Variants in WDR27 observed in about 807,000 individuals in gnomAD.
WDR27 encodes WD repeat domain 27.
In WDR27, 100 loss-of-function variants were observed where a neutral mutation model predicts 114.4. The ratio of observed to expected loss-of-function variants is 0.87; its 90% CI spans 0.74 to 1.03. WDR27 has a LOEUF of 1.03. WDR27 is among the 50% of genes least tolerant of loss of function. The pLI is 0.00. For synonymous variants in WDR27, 449 were observed against 423.1 expected, an observed-to-expected ratio of 1.06 and a Z score of -0.75; for missense variants, 1,129 against 1,092.9, an observed-to-expected ratio of 1.03 and a Z score of -0.47.
At chr6:169,523,302 T>A (rs1455451039) in intron 25 of WDR27, among the ~76,000 whole-genome samples, 1 of 152,038 alleles carries the variant, frequency 6.6e-6, no homozygotes, top group African/African-American at 2.4e-5. Context: ...TAATAAAAAG[T>A]ATTCCATTAA....
At chr6:169,552,221 C>T (rs903957480) in intron 25 of WDR27, among the ~76,000 whole-genome samples, 3 of 152,254 alleles carry the variant, frequency 2.0e-5, no homozygotes, top group African/African-American at 4.8e-5. Context: ...CATGCAGAGT[C>T]GCTGTCCCCA....
At chr6:169,688,609 A>G (rs369190390) in intron 2 of WDR27, among the ~76,000 whole-genome samples, 116 of 152,206 alleles carry the variant, frequency 7.6e-4, no homozygotes, top group South Asian at 4.1e-3. Flanking sequence ...ATTAATTCCA[A>G]ATCACTTGTG....
intron 3 of WDR27, chr6:169,671,463 T>C (rs759347934): frequency 6.6e-6 from 1 of 152,258 alleles, no homozygotes; most frequent in Non-Finnish European, 1.5e-5. Context: ...ATAGAATACA[T>C]AGATTTATAG....
At chr6:169,514,056 C>A in intron 25 of WDR27, among the ~76,000 whole-genome samples, 1 of 152,072 alleles carries the variant, frequency 6.6e-6, no homozygotes, top group Non-Finnish European at 1.5e-5. Flanking sequence ...GATTCCAAGT[C>A]TGGATAAGGT....
chr6:169,651,411 G>A (rs1323873968), intron 14 of WDR27, among the ~76,000 whole-genome samples: 1 of 152,074 alleles, frequency 6.6e-6, no homozygotes, highest in Non-Finnish European at 1.5e-5. Context: ...TGCCTTTGAG[G>A]AGTGGGCTCC....
the WDR27 span, among the ~76,000 whole-genome samples, chr6:169,427,594 T>C: frequency 6.6e-6 from 1 of 152,140 alleles, no homozygotes; most frequent in Admixed American, 6.5e-5. Flanking sequence ...TCTTTCCCAG[T>C]AATGTCTGCT....
chr6:169,662,640 C>A (rs1316043616), intron 8 of WDR27, among the ~76,000 whole-genome samples: 1 of 149,888 alleles, frequency 6.7e-6, no homozygotes, highest in South Asian at 2.1e-4. Flanking sequence ...TAAGGTAACA[C>A]CCAGCATGAC....
chr6:169,536,116 C>G (rs1379400902), intron 25 of WDR27, among the ~76,000 whole-genome samples: 1 of 152,130 alleles, frequency 6.6e-6, no homozygotes, highest in Admixed American at 6.5e-5. Context: ...AAAATAGGCT[C>G]AAAAGGAATA....
intron 25 of WDR27, among the ~76,000 whole-genome samples, chr6:169,481,244 ACT>A (rs1203705331): frequency 6.6e-6 from 1 of 152,026 alleles, no homozygotes; most frequent in Non-Finnish European, 1.5e-5. Flanking sequence ...ACCAATCAGC[ACT>A]CTGTGTCTAG....
At position 169,670,690 on chromosome 6, in the gene WDR27, A is replaced by G. The variant is rs1778489682; in HGVS notation, c.335T>C (p.Leu112Pro). The part of the protein sequence containing the change: ...DECREKVLQG[L>P]VPRGTVMGSL... ...GCCCATGACAGTCCCTCGAGGGACC[A>G]GCCCTAGAGTGAGTTTCACCATTAG... The change falls in exon 4 of 26, where the codon CTG becomes CCG. Residue 112 changes from leucine (L) to proline (P), a missense_variant. Transcript: ENST00000448612. 4 of 1,613,726 alleles carry G rather than the reference A, an allele frequency of 2.5e-6. No homozygotes were observed. Among genetic ancestry groups the G allele is most frequent in the Non-Finnish European group, 3.4e-6 (4 of 1,179,826 alleles).
At chr6:169,673,530 C>A (rs966158608) in intron 2 of WDR27, among the ~76,000 whole-genome samples, 1 of 151,582 alleles carries the variant, frequency 6.6e-6, no homozygotes, top group Non-Finnish European at 1.5e-5. Flanking sequence ...ATTATGGTAA[C>A]AAGATTATAT....
At chr6:169,677,347 T>C (rs1780328316) in intron 2 of WDR27, among the ~76,000 whole-genome samples, 1 of 152,264 alleles carries the variant, frequency 6.6e-6, no homozygotes, top group Admixed American at 6.5e-5. Flanking sequence ...CCTAGGGCTC[T>C]GTGGAAGCTT....
the WDR27 span, among the ~76,000 whole-genome samples, chr6:169,428,155 T>G: frequency 6.6e-6 from 1 of 152,188 alleles, no homozygotes; most frequent in Non-Finnish European, 1.5e-5. Context: ...ACTTTATCTT[T>G]TACTAAATAT....
At chr6:169,540,935 A>T (rs1405725087) in intron 25 of WDR27, among the ~76,000 whole-genome samples, 1 of 152,158 alleles carries the variant, frequency 6.6e-6, no homozygotes, top group Non-Finnish European at 1.5e-5. Flanking sequence ...CTGCTCAAGT[A>T]AACTCTCCAG....
At chr6:169,483,083 G>T (rs1788414483) in intron 25 of WDR27, among the ~76,000 whole-genome samples, 1 of 152,182 alleles carries the variant, frequency 6.6e-6, no homozygotes, top group African/African-American at 2.4e-5. Flanking sequence ...CAAAAAGGTA[G>T]AAATATCTCA....
At chr6:169,517,413 A>C (rs113849470) in intron 25 of WDR27, among the ~76,000 whole-genome samples, 102 of 152,332 alleles carry the variant, frequency 6.7e-4, no homozygotes, top group African/African-American at 2.4e-3. Context: ...GGGGGAACAG[A>C]GTGAAGCCAG....
In WDR27 at chr6:169,507,993, T is replaced by C. The variant is rs114954989; in HGVS notation, c.2646-50359A>G. 3.4e-3 allele frequency among the ~76,000 whole-genome samples: 513 copies of C among 152,316 alleles called. 5 individuals carry two copies. Among genetic ancestry groups the C allele is most frequent in the African/African-American group, 0.012 (495 of 41,570 alleles). ...ATTTTAAATCTTCATAGTATACCCA[T>C]CATGTCAAAACACGAAGAGAAAAGT... is the stretch of plus-strand genomic sequence containing the variant. On this transcript the variant is annotated intron_variant, in intron 25 of 25. Transcript: ENST00000448612.
At position 169,631,833 on chromosome 6, in the gene WDR27, G is replaced by A. The variant is rs141946469; in HGVS notation, c.2223+1114C>T. Among the ~76,000 whole-genome samples the A allele has an allele frequency of 2.8e-3, 428 of 152,220 alleles. 2 individuals carry two copies. The highest frequency in any genetic ancestry group is 0.017 in the Middle Eastern group (5 of 294). On this transcript the variant is annotated intron_variant, in intron 21 of 25. Coordinates refer to ENST00000448612, the MANE Select transcript of WDR27 (RefSeq NM_182552.5). ...ATCTTTGCTCTTTCTGATTTGAACT[G>A]ATTAAAAAACTTTATAGATAATCAG...
At position 169,659,097 on chromosome 6, in the gene WDR27, CGA is replaced by C. The variant is rs1288611292; in HGVS notation, c.1306_1307del (p.Ser436GlyfsTer27). On this transcript the variant is annotated frameshift_variant, in exon 12 of 26. Transcript: ENST00000448612. LOFTEE classifies it high-confidence loss of function. The surrounding 1 kb of genome is among the most constrained non-coding windows in gnomAD (Gnocchi z 4.3). ...QQCPSMGQSLSVPASSCVLPT... is the reference protein window; with the variant it reads ...QQCPSMGQSLXVPASSCVLPT... The stretch of plus-strand genomic sequence containing the variant: ...TGAAGACACTCTACCTGGCTGGCAC[CGA>C]GAGGCTCTGCCCCATGCTGGGGCAC... The C allele has an allele frequency of 1.9e-6, 3 of 1,558,960 alleles. No homozygotes were observed. The highest frequency in any genetic ancestry group is 2.6e-6 in the Non-Finnish European group (3 of 1,155,196).
Sources: gnomAD v4.1 joint callset for allele counts (sites outside exome capture counted in the v4.1 genomes callset) on GRCh38, gnomAD v4.1.1 for gene constraint, Gnocchi (gnomAD v3.1) non-coding constraint, MANE v1.5 for transcripts, NCBI Gene and HGNC (gene_info 2026-07-23, HGNC 2026-07-21) for gene names.